The following PKD1 variants were observed in gnomAD, a reference collection of about 807,000 sequenced individuals.
PKD1 encodes polycystin-1.
A neutral mutation model predicts 361.7 loss-of-function variants in PKD1; 81 were observed. That is an observed-to-expected ratio of 0.22 (90% confidence interval 0.19 to 0.27). PKD1 has a LOEUF of 0.27. Among genes scored for constraint, PKD1 ranks in the 10% least tolerant of loss-of-function variants. The pLI is 1.00. For synonymous variants in PKD1, 3,615 were observed against 2,818.3 expected (o/e 1.28, Z -8.95); for missense variants, 6,399 against 6,118.3 (o/e 1.05, Z -1.53).
chr16:2,093,383 G>T, intron 37 of PKD1, 161 bp downstream of exon 37: 1 of 749,026 alleles, frequency 1.3e-6, no homozygotes, highest in Admixed American at 2.5e-5. Context: ...GCAAGTGGGG[G>T]GCGTGGGGTA....
At chr16:2,095,848 C>G (rs2091823948) in intron 34 of PKD1, among the ~76,000 whole-genome samples, 1 of 152,202 alleles carries the variant, frequency 6.6e-6, no homozygotes, top group South Asian at 2.1e-4. Flanking sequence ...TTTCACAGAG[C>G]TTTGGGCCGG....
At position 2,110,970 on chromosome 16, in the gene PKD1, C is replaced by T. The variant is rs890465248; in HGVS notation, c.4197G>A (p.Trp1399Ter). 6.2e-7 allele frequency: 1 copy of T among 1,610,540 alleles called. No individual in the cohort carries two copies. The highest frequency in any genetic ancestry group is 8.5e-7 in the Non-Finnish European group (1 of 1,179,598). ...RQFVQLGDEA[W>*]LVACAWPPFP... ...ACGGGGGCCAGGCACATGCCACCAG[C>T]CAGGCCTCGTCCCCGAGCTGCACAA... is the stretch of plus-strand genomic sequence containing the variant. Residue 1399 changes from tryptophan to a stop codon, truncating the protein, a stop_gained, in exon 15 of 46, where the codon TGG becomes TGA. Coordinates refer to ENST00000262304, the MANE Select transcript of PKD1 (RefSeq NM_001009944.3). LOFTEE classifies it high-confidence loss of function.
chr16:2,089,535 G>A lies in PKD1; in HGVS notation c.*192C>T, dbSNP rs878903703. The A allele has an allele frequency of 4.6e-6, 3 of 655,588 alleles. No individual in the cohort carries two copies. The highest frequency in any genetic ancestry group is 2.7e-5 in the East Asian group (1 of 36,414). 40.6% of individuals were successfully genotyped at this position (655,588 alleles called of 1,614,324 possible). ...TCCTTCCCAAGGGAGCTGGGGAGGG[G>A]ACCCTGGGTCCTGGTTGGCCACACA... is the stretch of plus-strand genomic sequence containing the variant. On this transcript the variant is annotated 3_prime_UTR_variant, in exon 46 of 46. Coordinates refer to ENST00000262304, the MANE Select transcript of PKD1 (RefSeq NM_001009944.3).
rs765103218 is a variant in PKD1, at chr16:2,109,922, C to G, written c.5245G>C (p.Val1749Leu). 6.2e-7 allele frequency: 1 copy of G among 1,610,222 alleles called. No homozygotes were observed. The highest frequency in any genetic ancestry group is 1.3e-5 in the African/African-American group (1 of 74,852). The change falls in exon 15 of 46, where the codon GTA becomes CTA. Residue 1749 changes from valine (V) to leucine (L), a missense_variant. Transcript: ENST00000262304. ...SAELAGGSGV[V>L]YTWSLEEGLS... ...CCCTCCTCCAAGGACCAAGTGTATACGACACCACTGCCACCAGCCAGCTCG... is the reference window on the plus strand; with the variant it reads ...CCCTCCTCCAAGGACCAAGTGTATAGGACACCACTGCCACCAGCCAGCTCG...
Position 2,103,760 on chromosome 16 carries a change from G to C in PKD1, c.8297C>G (p.Ser2766Cys). Residue 2766 changes from serine to cysteine, a missense_variant, in exon 23 of 46, where the codon TCC becomes TGC. By Grantham distance (112) the Ser-to-Cys change is moderately radical (BLOSUM62 -1). Transcript: ENST00000262304. ...CAGGGGCTCCTCGTTGAGCACGCGG[G>C]AGCGCATGAGGATGCGCATGAGGGC... ...TSALMRILMR[S>C]RVLNEEPLTL... The C allele has an allele frequency of 1.9e-6, 3 of 1,609,984 alleles. No homozygotes were observed. Among genetic ancestry groups the C allele is most frequent in the Non-Finnish European group, 2.5e-6 (3 of 1,179,638 alleles).
In PKD1 at chr16:2,088,872, T is replaced by A; in HGVS notation, c.*855A>T. 2.0e-6 allele frequency: 1 copy of A among 500,476 alleles called. No homozygotes were observed. Among genetic ancestry groups the A allele is most frequent in the African/African-American group, 2.1e-5 (1 of 47,672 alleles). 31.0% of individuals were successfully genotyped at this position (500,476 alleles called of 1,614,324 possible). The stretch of plus-strand genomic sequence containing the variant: ...CTGGGCCATACAGCACACTCGCGCG[T>A]GCGCGCGCGCACACACACACACACA... On this transcript the variant is annotated 3_prime_UTR_variant, in exon 46 of 46. Transcript: ENST00000262304.
chr16:2,129,500 C>CT (rs1259181900), intron 1 of PKD1, among the ~76,000 whole-genome samples: 3 of 148,516 alleles, frequency 2.0e-5, no homozygotes, highest in African/African-American at 7.5e-5. Flanking sequence ...TGTTGGCCAT[C>CT]TGTGCGTCTT....
In PKD1 at chr16:2,089,686, T is replaced by C. The variant is rs1436097985; in HGVS notation, c.*41A>G. On this transcript the variant is annotated 3_prime_UTR_variant, in exon 46 of 46. Coordinates refer to ENST00000262304, the MANE Select transcript of PKD1 (RefSeq NM_001009944.3). Reference sequence around the variant, plus strand: ...CGGCAGAAAGTAATACTGAGCGGTGTCCACTCCGACTCCACGGCCCACCCC... The same window carrying C: ...CGGCAGAAAGTAATACTGAGCGGTGCCCACTCCGACTCCACGGCCCACCCC... The C allele has an allele frequency of 3.2e-6, 5 of 1,550,962 alleles. No homozygotes were observed. In the Admixed American group the frequency reaches 5.9e-5, roughly 18 times the overall value.
At chr16:2,090,230 C>T (rs1254761871) in intron 45 of PKD1, 36 bp from the exon 46 acceptor site, 1 of 1,608,976 alleles carries the variant, frequency 6.2e-7, no homozygotes. Flanking sequence ...AGTCCGGCTG[C>T]ACCCTGGGCA....
rs2092441328 is a variant in PKD1 at position 2,109,309 on chromosome 16, T to C, written c.5858A>G (p.Lys1953Arg). The change falls in exon 15 of 46, where the codon AAA becomes AGA. Residue 1953 changes from lysine to arginine, a missense_variant. Lys to Arg is a conservative substitution (Grantham distance 26). Transcript: ENST00000262304. ...CGCCTGGGCCCAGCTCACGTGGTTT[T>C]TGCCCCGCACGCTCACCACGTGGTC... ...VGDHVVSVRG[K>R]NHVSWAQAQV... 2 of 1,586,026 alleles carry C rather than the reference T, an allele frequency of 1.3e-6. No individual in the cohort carries two copies. The highest frequency in any genetic ancestry group is 1.7e-6 in the Non-Finnish European group (2 of 1,169,048).
intron 1 of PKD1, among the ~76,000 whole-genome samples, chr16:2,123,940 C>T (rs1282895859): frequency 1.3e-5 from 2 of 152,128 alleles, no homozygotes; most frequent in Admixed American, 6.5e-5. Flanking sequence ...GCCCCAGCCC[C>T]GGGACACAAG....
chr16:2,089,403 G>A lies in PKD1; in HGVS notation c.*324C>T. On this transcript the variant is annotated 3_prime_UTR_variant, in exon 46 of 46. Coordinates refer to ENST00000262304, the MANE Select transcript of PKD1 (RefSeq NM_001009944.3). The stretch of plus-strand genomic sequence containing the variant: ...CCCTGAAGCCAGCAGCCTTAGCAGT[G>A]GGGGACATCTGCCCAGGGGGTGGGG... 4.5e-6 allele frequency: 2 copies of A among 447,418 alleles called. No homozygotes were observed. The highest frequency in any genetic ancestry group is 2.8e-5 in the South Asian group (1 of 36,014). 27.7% of individuals were successfully genotyped at this position (447,418 alleles called of 1,614,324 possible).
Position 2,089,705 on chromosome 16 carries a change from C to A in PKD1, c.*22G>T. The A allele has an allele frequency of 6.4e-7, 1 of 1,560,852 alleles. No homozygotes were observed. Among genetic ancestry groups the A allele is most frequent in the Non-Finnish European group, 8.7e-7 (1 of 1,153,744 alleles). ...GCGGTGTCCACTCCGACTCCACGGCCCACCCCCGCCAGGAAGGAGGACTAA... is the reference window on the plus strand; with the variant it reads ...GCGGTGTCCACTCCGACTCCACGGCACACCCCCGCCAGGAAGGAGGACTAA... On this transcript the variant is annotated 3_prime_UTR_variant, in exon 46 of 46. Transcript: ENST00000262304.
intron 34 of PKD1, 60 bp downstream of exon 34, chr16:2,097,088 T>A: frequency 7.4e-6 from 5 of 673,134 alleles, no homozygotes; most frequent in East Asian, 7.0e-5. Flanking sequence ...CACGGCTGCC[T>A]GGCCTGAGTC....
At chr16:2,116,417 C>T (rs913075179) in intron 8 of PKD1, 112 bp downstream of exon 8, 190 of 654,264 alleles carry the variant, frequency 2.9e-4, no homozygotes, top group Middle Eastern at 1.2e-3. Context: ...TCACTGGGCA[C>T]AAGCAACATT....
intron 11 of PKD1, chr16:2,113,832 A>C (rs2092580784): frequency 4.6e-6 from 2 of 437,144 alleles, no homozygotes; most frequent in South Asian, 4.5e-5. Context: ...TTCAGACTCC[A>C]CCTCAAAAGC....
chr16:2,097,280 G>T, intron 33 of PKD1, 39 bp from the exon 34 acceptor site: 1 of 1,609,036 alleles, frequency 6.2e-7, no homozygotes. Flanking sequence ...CCAGCTGCAA[G>T]GGTGAGCTTC....
rs532264532 is a variant in PKD1 at position 2,102,230 on chromosome 16, G to A, written c.9228C>T (p.Ile3076=). 2.3e-5 allele frequency: 35 copies of A among 1,527,224 alleles called. No homozygotes were observed. Among genetic ancestry groups the A allele is most frequent in the Middle Eastern group, 4.7e-4 (2 of 4,248 alleles). 94.6% of individuals were successfully genotyped at this position (1,527,224 alleles called of 1,614,324 possible). A position where few individuals can be genotyped will look rare whatever the true frequency, so the allele number is the denominator to read the frequency against. ...GGCACACAGCACATGTCAGCATGAC[G>A]ATGTAGTTTACATCCGCTGTCGGCT... ...FPEPTADVNY[I]VMLTCAVCLV... Residue 3076 remains isoleucine, a synonymous_variant, in exon 26 of 46, where the codon ATC becomes ATT. Transcript: ENST00000262304.
rs915441574 is a variant in PKD1, at chr16:2,100,653, T to C, written c.9398-87A>G. 3.9e-5 allele frequency: 48 copies of C among 1,224,550 alleles called. No homozygotes were observed. The African/African-American group carries it at 5.3e-4, about 14-fold the overall frequency. The allele number at this position is 1,224,550 out of a possible 1,614,324, so 75.9% of individuals were successfully genotyped here. A position where few individuals can be genotyped will look rare whatever the true frequency, so the allele number is the denominator to read the frequency against. ...GGCAAGTCATCTCAGCTTTGGCCTGTGCGCACTCAAGGAGCCACACAGGCA... is the reference window on the plus strand; with the variant it reads ...GGCAAGTCATCTCAGCTTTGGCCTGCGCGCACTCAAGGAGCCACACAGGCA... On this transcript the variant is annotated intron_variant, in intron 26 of 45. Coordinates refer to ENST00000262304, the MANE Select transcript of PKD1 (RefSeq NM_001009944.3). The surrounding 1 kb of genome is among the most constrained non-coding windows in gnomAD (Gnocchi z 4.4).
Sources: allele counts gnomAD v4.1 joint callset (sites outside exome capture counted in the v4.1 genomes callset), GRCh38; gene constraint gnomAD v4.1.1; non-coding constraint Gnocchi (gnomAD v3.1); transcripts MANE v1.5; gene names NCBI Gene and HGNC (gene_info 2026-07-23, HGNC 2026-07-21).